Variants in NKAIN2 observed in about 807,000 individuals in gnomAD.
The protein encoded by NKAIN2 is sodium/potassium-transporting ATPase subunit beta-1-interacting protein 2.
Under a neutral mutation model 32.6 loss-of-function variants are expected in NKAIN2, and 14 were observed. That is an observed-to-expected ratio of 0.43 (90% CI 0.28 to 0.67). The LOEUF is 0.67. Ranked by LOEUF, NKAIN2 falls within the 30% of genes least tolerant of loss-of-function variation. NKAIN2 has a pLI of 0.17. For missense variants in NKAIN2, 198 were observed against 258.3 expected (o/e 0.77, Z 1.60); for synonymous variants, 80 against 87.2 (o/e 0.92, Z 0.46).
intron 1 of NKAIN2, among the ~76,000 whole-genome samples, chr6:124,101,272 T>A (rs938437379): frequency 1.3e-5 from 2 of 152,180 alleles, no homozygotes; most frequent in African/African-American, 4.8e-5. Context: ...CTGAAAGTTG[T>A]TAATCTCTGA....
intron 1 of NKAIN2, among the ~76,000 whole-genome samples, chr6:124,162,212 G>A (rs1384092789): frequency 6.6e-6 from 1 of 152,006 alleles, no homozygotes; most frequent in Non-Finnish European, 1.5e-5. Flanking sequence ...GATTATGTAA[G>A]AATCAGTTGA....
At chr6:124,263,719 TAA>T (rs758487964) in intron 1 of NKAIN2, among the ~76,000 whole-genome samples, 48,338 of 152,120 alleles carry the variant, frequency 0.32, 9,031 homozygotes, top group African/African-American at 0.5. Flanking sequence ...TTTGTTTGTT[TAA>T]TTTAAACAGC....
At chr6:124,239,326 G>T (rs756409942) in intron 1 of NKAIN2, among the ~76,000 whole-genome samples, 2 of 152,046 alleles carry the variant, frequency 1.3e-5, no homozygotes, top group Non-Finnish European at 2.9e-5. Flanking sequence ...GTCAATATTA[G>T]ACAGATCAAT....
At chr6:124,809,122 G>GA (rs545554864) in intron 5 of NKAIN2, among the ~76,000 whole-genome samples, 16 of 152,160 alleles carry the variant, frequency 1.1e-4, no homozygotes, top group South Asian at 2.1e-4. Flanking sequence ...CACAGAATTG[G>GA]AAAAAAATAC....
chr6:124,635,981 A>C (rs1783758808), intron 3 of NKAIN2, among the ~76,000 whole-genome samples: 1 of 152,090 alleles, frequency 6.6e-6, no homozygotes, highest in Admixed American at 6.5e-5. Flanking sequence ...TAATAACTAC[A>C]GAATACATAT....
At chr6:124,175,554 A>G (rs1789113681) in intron 1 of NKAIN2, among the ~76,000 whole-genome samples, 1 of 152,200 alleles carries the variant, frequency 6.6e-6, no homozygotes, top group Non-Finnish European at 1.5e-5. Context: ...AATCACTTAC[A>G]TGTTAAAGTC....
chr6:123,846,841 C>CGA (rs1474465044), intron 1 of NKAIN2, among the ~76,000 whole-genome samples: 1 of 68,604 alleles, frequency 1.5e-5, no homozygotes, highest in East Asian at 1.0e-3. Flanking sequence ...CACACGCACG[C>CGA]GCGCACACAC....
At chr6:124,057,844 C>A (rs1422486280) in intron 1 of NKAIN2, among the ~76,000 whole-genome samples, 1 of 151,728 alleles carries the variant, frequency 6.6e-6, no homozygotes, top group Non-Finnish European at 1.5e-5. Flanking sequence ...GGTAAAATGC[C>A]CAGTTTAATG....
In NKAIN2 at chr6:124,285,519, T is replaced by C. The variant is rs76848620; in HGVS notation, c.192+2377T>C. Among the ~76,000 whole-genome samples the C allele has an allele frequency of 9.1e-3, 1,388 of 152,216 alleles. 15 individuals carry two copies. Among genetic ancestry groups the C allele is most frequent in the African/African-American group, 0.032 (1,317 of 41,538 alleles). On this transcript the variant is annotated intron_variant, in intron 2 of 6. Coordinates refer to ENST00000368417, the MANE Select transcript of NKAIN2 (RefSeq NM_001040214.3). ...TCCAGTCCTCAAAAACAATTTCCTC[T>C]CTCCACTCAGAGTCTCCTTGCTGCC...
At chr6:124,264,529 G>C (rs1352201636) in intron 1 of NKAIN2, among the ~76,000 whole-genome samples, 1 of 152,072 alleles carries the variant, frequency 6.6e-6, no homozygotes, top group Non-Finnish European at 1.5e-5. Context: ...TCTATAGTTG[G>C]TTATTTCAAA....
intron 4 of NKAIN2, among the ~76,000 whole-genome samples, chr6:124,712,687 G>A (rs1278271982): frequency 6.6e-6 from 1 of 151,696 alleles, no homozygotes; most frequent in Non-Finnish European, 1.5e-5. Flanking sequence ...CGTGCACGGT[G>A]TGCGCACCCA....
intron 2 of NKAIN2, among the ~76,000 whole-genome samples, chr6:124,331,434 C>G (rs1357316069): frequency 7.4e-6 from 1 of 135,914 alleles, no homozygotes; most frequent in Admixed American, 8.2e-5. Context: ...GAGGCCGAGG[C>G]AGGAGAATGG....
chr6:124,160,445 T>G (rs930892020), intron 1 of NKAIN2, among the ~76,000 whole-genome samples: 7 of 152,240 alleles, frequency 4.6e-5, no homozygotes, highest in Admixed American at 2.6e-4. Flanking sequence ...TACATTAAAT[T>G]TATGCACCAT....
chr6:124,772,233 T>C (rs1026284524), intron 4 of NKAIN2, among the ~76,000 whole-genome samples: 2 of 152,214 alleles, frequency 1.3e-5, no homozygotes, highest in Admixed American at 6.5e-5. Flanking sequence ...GTTTATGGTC[T>C]TAGTTGTAGA....
At chr6:124,638,123 A>ACAGAT (rs1783841054) in intron 3 of NKAIN2, among the ~76,000 whole-genome samples, 3 of 152,348 alleles carry the variant, frequency 2.0e-5, no homozygotes, top group African/African-American at 7.2e-5. Context: ...TTCACAGCTG[A>ACAGAT]CAGATTTTTG....
intron 1 of NKAIN2, among the ~76,000 whole-genome samples, chr6:123,887,859 A>G (rs893886588): frequency 6.6e-6 from 1 of 152,076 alleles, no homozygotes; most frequent in African/African-American, 2.4e-5. Context: ...GATTAAGACC[A>G]TGGGCTGGGG....
intron 5 of NKAIN2, among the ~76,000 whole-genome samples, chr6:124,817,721 G>A (rs78703366): frequency 0.016 from 2,498 of 152,186 alleles, 49 homozygotes; most frequent in African/African-American, 0.055. Flanking sequence ...TACTCTTACC[G>A]CCATTTTGGA....
chr6:123,883,669 A>C (rs1773569890), intron 1 of NKAIN2, among the ~76,000 whole-genome samples: 1 of 142,882 alleles, frequency 7.0e-6, no homozygotes, highest in South Asian at 2.2e-4. Flanking sequence ...AAAATTTTAA[A>C]AAACCTCTTT....
chr6:124,082,288 G>A (rs1308894661), intron 1 of NKAIN2, among the ~76,000 whole-genome samples: 4 of 151,942 alleles, frequency 2.6e-5, no homozygotes, highest in East Asian at 1.9e-4. Flanking sequence ...TATTTACTAC[G>A]TCCTTTTTTA....
Sources: gnomAD v4.1 joint callset for allele counts (sites outside exome capture counted in the v4.1 genomes callset) on GRCh38, gnomAD v4.1.1 for gene constraint, MANE v1.5 for transcripts, NCBI Gene and HGNC (gene_info 2026-07-23, HGNC 2026-07-21) for gene names.